E2F5: variants seen among roughly 807,000 people sequenced by gnomAD.
E2F5 encodes the protein transcription factor E2F5.
E2F5 carries 23 observed loss-of-function variants against 39.1 expected under a neutral mutation model. The ratio of observed to expected loss-of-function variants is 0.59; its 90% CI spans 0.42 to 0.83. E2F5 has a LOEUF of 0.83. E2F5 is among the 40% of genes least tolerant of loss of function. The probability of loss-of-function intolerance (pLI) is 0.00; values close to 1 mark genes in which losing one functional copy is unlikely to be tolerated. For missense variants in E2F5, 365 were observed against 406.7 expected, an observed-to-expected ratio of 0.90 and a Z score of 0.88; for synonymous variants, 145 against 157.8, an observed-to-expected ratio of 0.92 and a Z score of 0.61.
At chr8:85,202,065 G>A (rs1812709095) in intron 1 of E2F5, 82 bp from the exon 2 acceptor site, 1 of 1,140,168 alleles carries the variant, frequency 8.8e-7, no homozygotes, top group South Asian at 1.4e-5. Flanking sequence ...TGGACTTGTT[G>A]TGGATTTAAT....
chr8:85,200,253 A>T, intron 1 of E2F5: 1 of 950,724 alleles, frequency 1.1e-6, no homozygotes. Flanking sequence ...TCTCAAAAAA[A>T]AAAAAGAATG....
intron 5 of E2F5, among the ~76,000 whole-genome samples, chr8:85,207,729 T>C (rs905070519): frequency 9.9e-5 from 9 of 90,694 alleles, no homozygotes; most frequent in Non-Finnish European, 2.1e-4. Context: ...TTTATTGATA[T>C]CATTTAGCTC....
chr8:85,179,617 G>A (rs930330194), intron 1 of E2F5, among the ~76,000 whole-genome samples: 5 of 151,630 alleles, frequency 3.3e-5, no homozygotes, highest in South Asian at 4.2e-4. Flanking sequence ...TGTATTTTAC[G>A]TATATTTTTC....
chr8:85,214,261 A>T lies in E2F5; in HGVS notation c.*399A>T. On this transcript the variant is annotated 3_prime_UTR_variant, in exon 8 of 8. Coordinates refer to ENST00000416274, the MANE Select transcript of E2F5 (RefSeq NM_001951.4). ...GCCACTAAACTGCCTGTATTTCTGT[A>T]TGTCCTTCTATCCAAACAGACGTTC... is the stretch of plus-strand genomic sequence containing the variant. 1.8e-6 allele frequency: 1 copy of T among 560,554 alleles called. No homozygotes were observed. 34.7% of individuals were successfully genotyped at this position (560,554 alleles called of 1,614,324 possible). A position where few individuals can be genotyped will look rare whatever the true frequency, so the allele number is the denominator to read the frequency against.
chr8:85,200,332 A>T (rs748492165), intron 1 of E2F5: 43 of 914,810 alleles, frequency 4.7e-5, no homozygotes, highest in Non-Finnish European at 5.1e-5. Flanking sequence ...TTAGTCATTT[A>T]TATGTTTACA....
intron 2 of E2F5, among the ~76,000 whole-genome samples, chr8:85,202,742 A>C (rs1293612670): frequency 1.3e-5 from 2 of 152,126 alleles, no homozygotes; most frequent in African/African-American, 4.8e-5. Context: ...CAAAACATTA[A>C]AATGTTGTAA....
At chr8:85,200,358 G>C in intron 1 of E2F5, 1 of 782,022 alleles carries the variant, frequency 1.3e-6, no homozygotes, top group Non-Finnish European at 1.5e-6. Flanking sequence ...AAATAGTAAA[G>C]TATTTGAGAA....
intron 1 of E2F5, among the ~76,000 whole-genome samples, chr8:85,185,005 A>G (rs1190833504): frequency 1.3e-5 from 2 of 152,232 alleles, no homozygotes; most frequent in South Asian, 2.1e-4. Context: ...AGAATTGGAA[A>G]AAACTACTTC....
intron 6 of E2F5, 147 bp from the exon 7 acceptor site, chr8:85,212,010 C>A: frequency 1.7e-6 from 1 of 572,774 alleles, no homozygotes; most frequent in South Asian, 2.3e-5. Flanking sequence ...ACAGAGTAAG[C>A]GCTCATGAAA....
chr8:85,187,040 T>C (rs938668357), intron 1 of E2F5, among the ~76,000 whole-genome samples: 2 of 152,086 alleles, frequency 1.3e-5, no homozygotes, highest in East Asian at 3.9e-4. Flanking sequence ...TTTGTTAAGA[T>C]ATTTTTCAGT....
At chr8:85,183,180 A>C (rs1812257109) in intron 1 of E2F5, among the ~76,000 whole-genome samples, 1 of 152,138 alleles carries the variant, frequency 6.6e-6, no homozygotes, top group African/African-American at 2.4e-5. Context: ...TGAACCCGGG[A>C]GGCGGAGCTT....
chr8:85,182,428 A>G (rs924254960), intron 1 of E2F5, among the ~76,000 whole-genome samples: 4 of 152,212 alleles, frequency 2.6e-5, no homozygotes, highest in Non-Finnish European at 5.9e-5. Context: ...AAATTAGACC[A>G]TTTATTGTTA....
chr8:85,199,820 CTTTCAGTATATGTTATACCATTT>C (rs1287572737), intron 1 of E2F5, among the ~76,000 whole-genome samples: 1 of 152,208 alleles, frequency 6.6e-6, no homozygotes, highest in African/African-American at 2.4e-5. Flanking sequence ...CACAATACTC[CTTTCAGTATATGTTATACCATTT>C]TATGAAAAAG....
intron 1 of E2F5, among the ~76,000 whole-genome samples, chr8:85,184,322 C>T (rs929682825): frequency 2.0e-5 from 3 of 152,168 alleles, no homozygotes; most frequent in Non-Finnish European, 4.4e-5. Context: ...AACAGCCCTT[C>T]GTGCTAAAAA....
chr8:85,191,449 A>G (rs897833169), intron 1 of E2F5, among the ~76,000 whole-genome samples: 5 of 152,228 alleles, frequency 3.3e-5, no homozygotes, highest in African/African-American at 1.2e-4. Context: ...CACAAAAAAA[A>G]TGATCAGTAT....
chr8:85,211,643 G>GTTGTT (rs1225610661), intron 6 of E2F5, among the ~76,000 whole-genome samples: 22 of 52,216 alleles, frequency 4.2e-4, no homozygotes, highest in African/African-American at 5.5e-4. Flanking sequence ...GTTTGTTGTT[G>GTTGTT]TTTTTTTTTT....
chr8:85,199,609 GTTTT>G (rs958800436), intron 1 of E2F5, among the ~76,000 whole-genome samples: 2 of 152,110 alleles, frequency 1.3e-5, no homozygotes, highest in African/African-American at 4.8e-5. Flanking sequence ...CCCCAAATTA[GTTTT>G]TAAAGAATTC....
At chr8:85,181,962 A>G (rs74874017) in intron 1 of E2F5, among the ~76,000 whole-genome samples, 1 of 16,490 alleles carries the variant, frequency 6.1e-5, no homozygotes, top group African/African-American at 2.6e-4. Context: ...ACTGTGTCTC[A>G]AAAAAAAAAA....
At chr8:85,200,411 G>T (rs1812671870) in intron 1 of E2F5, 2 of 523,892 alleles carry the variant, frequency 3.8e-6, no homozygotes. Context: ...TGTTGTGATT[G>T]TTAAGCAGTA....
Sources: allele counts gnomAD v4.1 joint callset (sites outside exome capture counted in the v4.1 genomes callset), GRCh38; gene constraint gnomAD v4.1.1; transcripts MANE v1.5; gene names NCBI Gene and HGNC (gene_info 2026-07-23, HGNC 2026-07-21).